SNX24: variants seen among roughly 807,000 people sequenced by gnomAD.
The protein encoded by SNX24 is sorting nexin-24.
In SNX24, 22 loss-of-function variants were observed where a neutral mutation model predicts 28.7. That is an observed-to-expected ratio of 0.77 (90% confidence interval 0.55 to 1.10). SNX24 has a LOEUF of 1.10. Ranked by LOEUF, SNX24 falls within the 50% of genes least tolerant of loss-of-function variation. The pLI is 0.00. For synonymous variants in SNX24, 69 were observed against 71.5 expected, an observed-to-expected ratio of 0.96 and a Z score of 0.18; for missense variants, 221 against 201.1, an observed-to-expected ratio of 1.10 and a Z score of -0.60.
At chr5:122,999,405 A>G (rs1189737066) in intron 3 of SNX24, among the ~76,000 whole-genome samples, 1 of 152,142 alleles carries the variant, frequency 6.6e-6, no homozygotes, top group Non-Finnish European at 1.5e-5. Flanking sequence ...CTTCCAGTTA[A>G]AAAATAATTT....
At chr5:122,911,846 A>G (rs1757904435) in intron 1 of SNX24, among the ~76,000 whole-genome samples, 1 of 143,306 alleles carries the variant, frequency 7.0e-6, no homozygotes. Context: ...TTTTGGTACC[A>G]GTACCATGCT....
chr5:122,993,664 G>T (rs1348333651), intron 3 of SNX24, among the ~76,000 whole-genome samples: 2 of 152,060 alleles, frequency 1.3e-5, no homozygotes, highest in Non-Finnish European at 2.9e-5. Flanking sequence ...GTGAAATTTT[G>T]ACCAGGTGCA....
At chr5:122,866,775 T>A (rs1755739569) in intron 1 of SNX24, among the ~76,000 whole-genome samples, 1 of 152,206 alleles carries the variant, frequency 6.6e-6, no homozygotes. Context: ...GAGCAATACA[T>A]GGCACAGTAA....
chr5:122,974,541 G>C (rs1761091368), intron 3 of SNX24, among the ~76,000 whole-genome samples: 1 of 152,244 alleles, frequency 6.6e-6, no homozygotes, highest in South Asian at 2.1e-4. Flanking sequence ...ATCAATGGCT[G>C]CATACCAGGT....
At chr5:123,009,304 C>T, downstream of SNX24, 1 of 726,174 alleles carries the variant, frequency 1.4e-6, no homozygotes, top group Non-Finnish European at 1.7e-6. Context: ...AAACCTCTCA[C>T]ACATTCACAT....
At chr5:122,966,854 C>G (rs192297350) in intron 3 of SNX24, among the ~76,000 whole-genome samples, 118 of 152,268 alleles carry the variant, frequency 7.7e-4, no homozygotes, top group African/African-American at 2.7e-3. Flanking sequence ...TAAAGAGTAG[C>G]TACCATTTTT....
At chr5:122,965,389 G>T (rs1402001111) in intron 3 of SNX24, 1 of 451,670 alleles carries the variant, frequency 2.2e-6, no homozygotes, top group East Asian at 7.0e-5. Context: ...AAGAGTCAGG[G>T]ACTTCTGAGA....
At chr5:122,863,093 G>C (rs1332603480) in intron 1 of SNX24, among the ~76,000 whole-genome samples, 1 of 152,172 alleles carries the variant, frequency 6.6e-6, no homozygotes, top group Non-Finnish European at 1.5e-5. Flanking sequence ...TTGCATTCTA[G>C]TTGGGGGAGA....
chr5:122,995,624 G>T (rs1762026072), intron 3 of SNX24, among the ~76,000 whole-genome samples: 1 of 152,126 alleles, frequency 6.6e-6, no homozygotes, highest in South Asian at 2.1e-4. Context: ...TTGCATCTGG[G>T]TAATTAATTC....
chr5:122,976,839 T>C (rs113605523), intron 3 of SNX24, among the ~76,000 whole-genome samples: 1 of 152,350 alleles, frequency 6.6e-6, no homozygotes, highest in African/African-American at 2.4e-5. Context: ...TCATATTTCA[T>C]ATGTCTATGA....
At chr5:122,982,157 G>A (rs1186761121) in intron 3 of SNX24, among the ~76,000 whole-genome samples, 2 of 152,144 alleles carry the variant, frequency 1.3e-5, no homozygotes, top group Non-Finnish European at 2.9e-5. Flanking sequence ...GAATGCTAGG[G>A]GGAAAAGGAA....
intron 2 of SNX24, among the ~76,000 whole-genome samples, chr5:122,942,167 T>C (rs1759478845): frequency 1.3e-5 from 2 of 152,232 alleles, no homozygotes; most frequent in Non-Finnish European, 2.9e-5. Flanking sequence ...CCCAGCTGCT[T>C]TCTGTTAGTC....
intron 1 of SNX24, among the ~76,000 whole-genome samples, chr5:122,912,906 GT>G (rs1757956242): frequency 6.6e-6 from 1 of 151,906 alleles, no homozygotes; most frequent in South Asian, 2.1e-4. Flanking sequence ...TTAGGGAGTG[GT>G]GATGACTCTT....
chr5:122,958,115 A>G (rs555488747), intron 3 of SNX24, among the ~76,000 whole-genome samples: 1 of 152,338 alleles, frequency 6.6e-6, no homozygotes, highest in Admixed American at 6.5e-5. Context: ...TTGTAGAAGA[A>G]AAGCTTTCAG....
In SNX24 at chr5:122,902,794, G is replaced by A. The variant is rs140482443; in HGVS notation, c.61-33940G>A. Among the ~76,000 whole-genome samples the A allele has an allele frequency of 2.3e-4, 35 of 152,210 alleles. No individual in the cohort carries two copies. The East Asian group carries it at 2.7e-3, about 12-fold the overall frequency. ...TATGGTTAAAAAGAGCCCCTTCCCCGTCTTGTCCCAGCTTACCTCTTTAAC... is the reference window on the plus strand; with the variant it reads ...TATGGTTAAAAAGAGCCCCTTCCCCATCTTGTCCCAGCTTACCTCTTTAAC... On this transcript the variant is annotated intron_variant, in intron 1 of 6. Coordinates refer to ENST00000261369, the MANE Select transcript of SNX24 (RefSeq NM_014035.4).
intron 3 of SNX24, among the ~76,000 whole-genome samples, chr5:122,973,001 G>T (rs1316856655): frequency 6.6e-6 from 1 of 152,190 alleles, no homozygotes; most frequent in Non-Finnish European, 1.5e-5. Flanking sequence ...GGCCCATTGG[G>T]CAATGACAGG....
intron 2 of SNX24, among the ~76,000 whole-genome samples, chr5:122,941,204 A>G (rs1372746998): frequency 2.0e-5 from 3 of 152,114 alleles, no homozygotes; most frequent in Non-Finnish European, 4.4e-5. Flanking sequence ...AGAATCCTTA[A>G]TTTAATCACA....
At chr5:122,890,383 C>T (rs903980278) in intron 1 of SNX24, among the ~76,000 whole-genome samples, 3 of 151,746 alleles carry the variant, frequency 2.0e-5, no homozygotes, top group South Asian at 4.2e-4. Context: ...TGTTTTTTGC[C>T]TAAGTTTTTA....
At chr5:122,970,806 TACTA>T (rs1407034549) in intron 3 of SNX24, among the ~76,000 whole-genome samples, 1 of 152,170 alleles carries the variant, frequency 6.6e-6, no homozygotes, top group Non-Finnish European at 1.5e-5. Flanking sequence ...CACACTAGTT[TACTA>T]ACTAACCTCT....
Sources: allele counts gnomAD v4.1 joint callset (sites outside exome capture counted in the v4.1 genomes callset), GRCh38; gene constraint gnomAD v4.1.1; transcripts MANE v1.5; gene names NCBI Gene and HGNC (gene_info 2026-07-23, HGNC 2026-07-21).